CCDC171: variants seen among roughly 807,000 people sequenced by gnomAD.
The protein encoded by CCDC171 is coiled-coil domain-containing protein 171.
A neutral mutation model predicts 168.2 loss-of-function variants in CCDC171; 177 were observed. The ratio of observed to expected loss-of-function variants is 1.05; its 90% CI spans 0.93 to 1.19. CCDC171 has a LOEUF of 1.19. Among genes scored for constraint, CCDC171 ranks in the 50% most tolerant of loss-of-function variants. The probability of loss-of-function intolerance (pLI) is 0.00; values close to 1 mark genes in which losing one functional copy is unlikely to be tolerated. For synonymous variants in CCDC171, 687 were observed against 540.8 expected, an observed-to-expected ratio of 1.27 and a Z score of -3.75; for missense variants, 1,991 against 1,539.0, an observed-to-expected ratio of 1.29 and a Z score of -4.91.
chr9:15,748,659 G>A (rs1309508614), intron 18 of CCDC171, among the ~76,000 whole-genome samples: 1 of 152,058 alleles, frequency 6.6e-6, no homozygotes, highest in Non-Finnish European at 1.5e-5. Flanking sequence ...GAGAGTGGGG[G>A]GCCAATATTC....
chr9:16,052,409 C>A (rs973540076), intron 1 of CCDC171, among the ~76,000 whole-genome samples: 15 of 152,152 alleles, frequency 9.9e-5, no homozygotes, highest in African/African-American at 3.6e-4. Flanking sequence ...CGAGTGACAG[C>A]ACTCTCAGGC....
intron 23 of CCDC171, among the ~76,000 whole-genome samples, chr9:15,857,157 T>A (rs2061376688): frequency 6.6e-6 from 1 of 151,968 alleles, no homozygotes; most frequent in Non-Finnish European, 1.5e-5. Context: ...TTTTCTCTTA[T>A]CCCACAGGTT....
intron 9 of CCDC171, among the ~76,000 whole-genome samples, chr9:15,675,457 C>A (rs938097463): frequency 3.9e-5 from 6 of 152,120 alleles, no homozygotes; most frequent in African/African-American, 1.4e-4. Flanking sequence ...GATGCAGTTT[C>A]TTCCTAGCCT....
chr9:16,053,001 A>G (rs1035121485), intron 1 of CCDC171, among the ~76,000 whole-genome samples: 16 of 152,316 alleles, frequency 1.1e-4, no homozygotes, highest in Admixed American at 1.0e-3. Context: ...CGCCAGGAAT[A>G]TTCTATGCAT....
At chr9:15,705,397 G>T (rs1396707) in intron 11 of CCDC171, among the ~76,000 whole-genome samples, 69,444 of 151,866 alleles carry the variant, frequency 0.46, 16,474 homozygotes, top group East Asian at 0.78. Context: ...ATTTTTCATT[G>T]CTTCTTTGGC....
At chr9:15,944,828 T>C (rs1243572247) in intron 25 of CCDC171, among the ~76,000 whole-genome samples, 3 of 27,554 alleles carry the variant, frequency 1.1e-4, no homozygotes, top group Admixed American at 5.5e-4. Context: ...GAATTCTTTT[T>C]CTTTCTTTTT....
chr9:15,691,782 T>G (rs1369172546), intron 10 of CCDC171, among the ~76,000 whole-genome samples: 5 of 152,020 alleles, frequency 3.3e-5, no homozygotes, highest in Admixed American at 2.0e-4. Context: ...ACTCAAGCAA[T>G]CTTCCCACCT....
At chr9:16,037,371 G>A (rs1833490872) in intron 8 of CCDC171, among the ~76,000 whole-genome samples, 1 of 152,162 alleles carries the variant, frequency 6.6e-6, no homozygotes, top group Non-Finnish European at 1.5e-5. Context: ...CTGGTTGTGA[G>A]GTCACGTCCT....
chr9:16,095,746 C>G, the CCDC171 span, among the ~76,000 whole-genome samples: 2 of 151,790 alleles, frequency 1.3e-5, no homozygotes, highest in African/African-American at 2.4e-5. Context: ...GTGACCCTGG[C>G]TAAGGTACTG....
chr9:16,005,112 T>C (rs2132962755), intron 3 of CCDC171, among the ~76,000 whole-genome samples: 1 of 152,300 alleles, frequency 6.6e-6, no homozygotes, highest in East Asian at 1.9e-4. Context: ...CCAAAGCCAA[T>C]TTTAGAACTT....
intron 24 of CCDC171, among the ~76,000 whole-genome samples, chr9:15,897,608 T>A (rs543433852): frequency 2.0e-5 from 3 of 152,298 alleles, no homozygotes; most frequent in East Asian, 3.9e-4. Flanking sequence ...TACTTATTAA[T>A]GATTGTGAGA....
intron 3 of CCDC171, among the ~76,000 whole-genome samples, chr9:15,996,466 C>T (rs1832378379): frequency 1.7e-5 from 2 of 114,852 alleles, no homozygotes; most frequent in South Asian, 6.4e-4. Flanking sequence ...TTGGAATAAA[C>T]TGTGTATTGT....
intron 1 of CCDC171, among the ~76,000 whole-genome samples, chr9:15,556,274 C>T (rs1180166895): frequency 2.0e-5 from 3 of 152,136 alleles, no homozygotes; most frequent in African/African-American, 7.2e-5. Context: ...ATGGCTGGGT[C>T]AAATGGTATT....
At chr9:15,645,284 G>T (rs2046950951) in intron 7 of CCDC171, among the ~76,000 whole-genome samples, 1 of 152,056 alleles carries the variant, frequency 6.6e-6, no homozygotes, top group African/African-American at 2.4e-5. Flanking sequence ...CACAAAGATG[G>T]GGAAAAAACA....
chr9:15,949,397 C>G (rs149683099), intron 25 of CCDC171, among the ~76,000 whole-genome samples: 3 of 152,066 alleles, frequency 2.0e-5, no homozygotes, highest in East Asian at 3.9e-4. Context: ...CATTGAATCT[C>G]TAAATTACCT....
chr9:15,627,596 A>C (rs971424824), intron 7 of CCDC171, among the ~76,000 whole-genome samples: 1 of 152,152 alleles, frequency 6.6e-6, no homozygotes, highest in Non-Finnish European at 1.5e-5. Context: ...ATTCAGGAGC[A>C]GGTTGTTCAG....
chr9:15,566,172 A>C (rs573392718), intron 2 of CCDC171, among the ~76,000 whole-genome samples: 10 of 151,286 alleles, frequency 6.6e-5, no homozygotes, highest in Middle Eastern at 6.8e-3. Context: ...ATGTCTCTTC[A>C]GATCTGTTTA....
At chr9:15,767,134 G>A (rs1333552129) in intron 18 of CCDC171, among the ~76,000 whole-genome samples, 3 of 152,108 alleles carry the variant, frequency 2.0e-5, no homozygotes, top group Non-Finnish European at 4.4e-5. Context: ...CTGTTATTGG[G>A]CTAACAAATT....
At chr9:15,854,399 A>G (rs1280357540) in intron 23 of CCDC171, among the ~76,000 whole-genome samples, 2 of 151,360 alleles carry the variant, frequency 1.3e-5, no homozygotes, top group South Asian at 2.1e-4. Flanking sequence ...TCATTTTCTT[A>G]TAATTGTTTT....
Sources: allele counts gnomAD v4.1 joint callset (sites outside exome capture counted in the v4.1 genomes callset), GRCh38; gene constraint gnomAD v4.1.1; transcripts MANE v1.5; gene names NCBI Gene and HGNC (gene_info 2026-07-23, HGNC 2026-07-21).